UBE2R2: variants seen among roughly 807,000 people sequenced by gnomAD.
UBE2R2 encodes the protein ubiquitin-conjugating enzyme E2 R2.
In UBE2R2, 1 loss-of-function variant was observed where a neutral mutation model predicts 27.8. The observed-to-expected ratio is 0.04, with a 90% CI of 0.01 to 0.17. The LOEUF (loss-of-function observed/expected upper bound fraction) is 0.17. Among genes scored for constraint, UBE2R2 ranks in the 10% least tolerant of loss-of-function variants. The pLI, the probability that UBE2R2 is intolerant of heterozygous loss-of-function variation, is 1.00. For synonymous variants in UBE2R2, 106 were observed against 113.3 expected (o/e 0.94, Z 0.41); for missense variants, 100 against 291.0 (o/e 0.34, Z 4.78).
chr9:33,856,815 TTCCATCCA>T (rs912833024), intron 1 of UBE2R2, among the ~76,000 whole-genome samples: 1 of 148,720 alleles, frequency 6.7e-6, no homozygotes, highest in African/African-American at 2.4e-5. Flanking sequence ...CCTTCCGTCC[TTCCATCCA>T]TCCATCCGTC....
intron 3 of UBE2R2, among the ~76,000 whole-genome samples, chr9:33,904,424 T>C (rs911456915): frequency 1.3e-5 from 2 of 152,216 alleles, no homozygotes; most frequent in South Asian, 2.1e-4. Flanking sequence ...TGGAGTCTTA[T>C]CTGCTGCCTC....
intron 1 of UBE2R2, among the ~76,000 whole-genome samples, chr9:33,829,523 C>T (rs895244058): frequency 6.6e-6 from 1 of 151,968 alleles, no homozygotes; most frequent in Non-Finnish European, 1.5e-5. Flanking sequence ...CATGGGTACC[C>T]GCAAAATCTG....
chr9:33,884,231 TCTCTTCCCC>T (rs1397492997), intron 1 of UBE2R2, among the ~76,000 whole-genome samples: 7 of 145,760 alleles, frequency 4.8e-5, no homozygotes, highest in African/African-American at 1.3e-4. Flanking sequence ...TCTCTCTCTC[TCTCTTCCCC>T]CTCTCTTCCC....
At chr9:33,870,174 G>A (rs1050663382) in intron 1 of UBE2R2, among the ~76,000 whole-genome samples, 17 of 149,132 alleles carry the variant, frequency 1.1e-4, no homozygotes, top group African/African-American at 3.7e-4. Flanking sequence ...ATCGAATCTC[G>A]CTTTGTCACC....
intron 1 of UBE2R2, among the ~76,000 whole-genome samples, chr9:33,872,718 G>A (rs1821513323): frequency 6.6e-6 from 1 of 151,778 alleles, no homozygotes; most frequent in African/African-American, 2.4e-5. Context: ...CCTGGGAGGT[G>A]GAGGTTGCAG....
At chr9:33,867,111 A>G (rs1821381093) in intron 1 of UBE2R2, among the ~76,000 whole-genome samples, 1 of 152,014 alleles carries the variant, frequency 6.6e-6, no homozygotes, top group African/African-American at 2.4e-5. Context: ...TTCAGTCTCA[A>G]TCTGCTGACC....
Position 33,917,494 on chromosome 9 carries a change from A to T in UBE2R2, c.*257A>T, listed in dbSNP as rs1822677269. The stretch of plus-strand genomic sequence containing the variant: ...CCATCACTATATTGATTCTTTTTTT[A>T]AAAAATATGAACCCAAACTCCCGCC... On this transcript the variant is annotated 3_prime_UTR_variant, in exon 5 of 5. Coordinates refer to ENST00000263228, the MANE Select transcript of UBE2R2 (RefSeq NM_017811.4). The T allele has an allele frequency of 3.6e-6, 2 of 561,714 alleles. No individual in the cohort carries two copies. The highest frequency in any genetic ancestry group is 3.0e-6 in the Non-Finnish European group (1 of 328,098). 34.8% of individuals were successfully genotyped at this position (561,714 alleles called of 1,614,324 possible).
At chr9:33,842,076 A>G (rs1820744154) in intron 1 of UBE2R2, among the ~76,000 whole-genome samples, 1 of 152,056 alleles carries the variant, frequency 6.6e-6, no homozygotes, top group African/African-American at 2.4e-5. Context: ...AGATGTTTTA[A>G]TTTTTGCAGG....
At chr9:33,857,901 T>G (rs1821145736) in intron 1 of UBE2R2, among the ~76,000 whole-genome samples, 1 of 152,204 alleles carries the variant, frequency 6.6e-6, no homozygotes, top group South Asian at 2.1e-4. Flanking sequence ...CTTCTTAAGA[T>G]GGAAGTTGTT....
intron 3 of UBE2R2, among the ~76,000 whole-genome samples, chr9:33,910,730 ACT>A (rs1310178767): frequency 1.3e-5 from 2 of 152,224 alleles, no homozygotes; most frequent in East Asian, 1.9e-4. Context: ...CTCCTGCATT[ACT>A]CTGTCTTCCT....
intron 1 of UBE2R2, among the ~76,000 whole-genome samples, chr9:33,829,149 T>C (rs1242930748): frequency 3.4e-4 from 52 of 152,164 alleles, no homozygotes; most frequent in Non-Finnish European, 1.5e-5. Context: ...ATTATAGTTG[T>C]GAGCCACCGC....
intron 4 of UBE2R2, 94 bp from the exon 5 acceptor site, chr9:33,916,924 G>C: frequency 6.6e-7 from 1 of 1,511,060 alleles, no homozygotes; most frequent in Non-Finnish European, 8.8e-7. Flanking sequence ...TTGGAGAGCT[G>C]AGTCATAAGT....
chr9:33,915,571 C>T (rs920696480), intron 4 of UBE2R2, among the ~76,000 whole-genome samples: 16 of 152,104 alleles, frequency 1.1e-4, no homozygotes, highest in African/African-American at 3.9e-4. Flanking sequence ...AAGAGATTGA[C>T]ATTAGGAAGA....
intron 1 of UBE2R2, among the ~76,000 whole-genome samples, chr9:33,829,792 C>CT (rs1563981311): frequency 1.0e-4 from 12 of 119,328 alleles, no homozygotes; most frequent in South Asian, 3.0e-4. Context: ...TTAGTGCAAT[C>CT]GTTTTTTTTT....
intron 1 of UBE2R2, among the ~76,000 whole-genome samples, chr9:33,832,069 G>A (rs1447914204): frequency 6.8e-6 from 1 of 147,600 alleles, no homozygotes; most frequent in East Asian, 2.1e-4. Context: ...AGCACTTTGG[G>A]AGGCCGAGGT....
chr9:33,857,698 A>C (rs2130762513), intron 1 of UBE2R2, among the ~76,000 whole-genome samples: 1 of 152,350 alleles, frequency 6.6e-6, no homozygotes, highest in East Asian at 1.9e-4. Context: ...GTAGGTTAAT[A>C]ACGTTACTGT....
chr9:33,853,006 T>C (rs1821001615), intron 1 of UBE2R2, among the ~76,000 whole-genome samples: 1 of 148,678 alleles, frequency 6.7e-6, no homozygotes, highest in Admixed American at 6.7e-5. Context: ...AGACTCTGTC[T>C]CAAATAAATA....
chr9:33,853,475 G>A (rs1821018262), intron 1 of UBE2R2, among the ~76,000 whole-genome samples: 1 of 151,894 alleles, frequency 6.6e-6, no homozygotes, highest in Non-Finnish European at 1.5e-5. Context: ...AGTAGAGACG[G>A]GGTTTCTCCT....
chr9:33,822,886 TC>T (rs1820184867), intron 1 of UBE2R2, among the ~76,000 whole-genome samples: 1 of 150,530 alleles, frequency 6.6e-6, no homozygotes, highest in Non-Finnish European at 1.5e-5. Context: ...TTCTTTTTTT[TC>T]TTTTTCTTCT....
Sources: gnomAD v4.1 joint callset for allele counts (sites outside exome capture counted in the v4.1 genomes callset) on GRCh38, gnomAD v4.1.1 for gene constraint, MANE v1.5 for transcripts, NCBI Gene and HGNC (gene_info 2026-07-23, HGNC 2026-07-21) for gene names.